APOO: variants seen among roughly 807,000 people sequenced by gnomAD.
APOO encodes the protein apolipoprotein O, also known as MICOS complex subunit MIC26.
APOO carries 11 observed loss-of-function variants against 23.1 expected under a neutral mutation model. The observed-to-expected ratio is 0.48, with a 90% CI of 0.30 to 0.79. The LOEUF (loss-of-function observed/expected upper bound fraction) is 0.79, where lower values mean the gene tolerates loss of function less well. Ranked by LOEUF, APOO falls within the 30% of genes least tolerant of loss-of-function variation. APOO has a pLI of 0.07. For missense variants in APOO, 160 were observed against 142.7 expected, an observed-to-expected ratio of 1.12 and a Z score of -0.62; for synonymous variants, 59 against 54.8, an observed-to-expected ratio of 1.08 and a Z score of -0.34.
chrX:23,846,999 T>C, intron 7 of APOO, among the ~76,000 whole-genome samples: 1 of 110,249 alleles, frequency 9.1e-6, no homozygotes, highest in Non-Finnish European at 1.9e-5. Context: ...CCCTTATAAA[T>C]CAATAAGGGA....
intron 7 of APOO, among the ~76,000 whole-genome samples, chrX:23,841,121 G>T (rs1923950735): frequency 8.9e-6 from 1 of 111,960 alleles, no homozygotes; most frequent in African/African-American, 3.2e-5. Context: ...GGCCATGGGG[G>T]CTAAGATTCT....
rs145820290 is a variant in APOO, at chrX:23,861,451, C to T, written c.389-2718G>A. 5.9e-3 allele frequency among the ~76,000 whole-genome samples: 630 copies of T among 106,870 alleles called. 8 individuals carry two copies. The highest frequency in any genetic ancestry group is 0.021 in the African/African-American group (600 of 29,147). 92.8% of individuals were successfully genotyped at this position (106,870 alleles called of 115,157 possible). On this transcript the variant is annotated intron_variant, in intron 5 of 8. Coordinates refer to ENST00000379226, the MANE Select transcript of APOO (RefSeq NM_024122.5). ...GGTGCCATGCTTCCTGTACAGCCTG[C>T]AGAACTGTGAGCCAACTAAACCTCT...
At chrX:23,892,147 A>G (rs1926683712) in intron 1 of APOO, among the ~76,000 whole-genome samples, 1 of 109,293 alleles carries the variant, frequency 9.1e-6, no homozygotes, top group African/African-American at 3.3e-5. Context: ...GAAGTGGCGC[A>G]ATCTCGGCTC....
intron 4 of APOO, among the ~76,000 whole-genome samples, chrX:23,872,583 G>A (rs942676912): frequency 4.8e-5 from 5 of 103,761 alleles, no homozygotes; most frequent in South Asian, 4.3e-4. Flanking sequence ...ATATATTTAC[G>A]GGGTAAATGA....
At chrX:23,879,168 G>T in intron 2 of APOO, 134 bp from the exon 3 acceptor site, 1 of 795,198 alleles carries the variant, frequency 1.3e-6, no homozygotes, top group Non-Finnish European at 1.7e-6. Context: ...GGGTGTGGTG[G>T]TTCACGCTTG....
intron 3 of APOO, among the ~76,000 whole-genome samples, chrX:23,875,444 G>A (rs1925802999): frequency 1.0e-5 from 1 of 99,717 alleles, no homozygotes; most frequent in Non-Finnish European, 2.0e-5. Flanking sequence ...TTGAGATAGA[G>A]TTTCGCTTTT....
intron 2 of APOO, among the ~76,000 whole-genome samples, chrX:23,879,434 A>C (rs755618926): frequency 8.9e-6 from 1 of 111,932 alleles, no homozygotes; most frequent in Non-Finnish European, 1.9e-5. Flanking sequence ...ACTCCATCTC[A>C]AAAATAATAA....
intron 5 of APOO, among the ~76,000 whole-genome samples, chrX:23,861,768 A>T (rs1353380849): frequency 9.7e-6 from 1 of 103,368 alleles, no homozygotes; most frequent in Non-Finnish European, 2.0e-5. Context: ...CCTGCCCGTC[A>T]GTGGGCCCCA....
chrX:23,833,696 ACCAGG>A (rs1248183643), intron 8 of APOO, 84 bp from the exon 9 acceptor site: 1 of 112,672 alleles, frequency 8.9e-6, no homozygotes, highest in Non-Finnish European at 1.9e-5. Context: ...AAATAGAGAA[ACCAGG>A]CCAGGCGCGG....
At chrX:23,904,231 CCT>C (rs950837756) in intron 1 of APOO, among the ~76,000 whole-genome samples, 6 of 111,193 alleles carry the variant, frequency 5.4e-5, no homozygotes, top group African/African-American at 2.0e-4. Flanking sequence ...ATTCCTCTCC[CCT>C]GTGATTAAGT....
chrX:23,837,245 TA>T (rs775191289), intron 8 of APOO: 54 of 649,595 alleles, frequency 8.3e-5, no homozygotes, highest in Non-Finnish European at 1.1e-4. Context: ...CCCTTCACGA[TA>T]ACTGTGCGTC....
At chrX:23,905,812 A>C (rs1927328475) in intron 1 of APOO, among the ~76,000 whole-genome samples, 1 of 112,689 alleles carries the variant, frequency 8.9e-6, no homozygotes, top group Admixed American at 9.4e-5. Context: ...TAACTACCAT[A>C]GTTCTGAAGT....
At chrX:23,899,046 G>C (rs906987885) in intron 1 of APOO, among the ~76,000 whole-genome samples, 2 of 112,341 alleles carry the variant, frequency 1.8e-5, no homozygotes, top group Non-Finnish European at 3.8e-5. Context: ...CTAAGGCAAT[G>C]AACATGCACT....
chrX:23,852,617 A>G (rs1238798998), intron 7 of APOO, among the ~76,000 whole-genome samples: 3 of 109,583 alleles, frequency 2.7e-5, no homozygotes, highest in Non-Finnish European at 3.8e-5. Context: ...CTGTCTCAAA[A>G]AAAAAAAAAA....
rs566269141 is a variant in APOO, at chrX:23,907,902, G to A, written c.-200C>T. ...GTTCTAGAAGCCGCGTCGCTGAGCC[G>A]CAGCGCGTCGCGCCCGGGCAGCGGG... On this transcript the variant is annotated 5_prime_UTR_variant, in exon 1 of 9. Coordinates refer to ENST00000379226, the MANE Select transcript of APOO (RefSeq NM_024122.5). The A allele has an allele frequency of 6.0e-4, 247 of 412,614 alleles. 3 individuals are homozygous for A. In the South Asian group the frequency reaches 0.013, roughly 22 times the overall value. 34.0% of individuals were successfully genotyped at this position (412,614 alleles called of 1,213,427 possible). A position where few individuals can be genotyped will look rare whatever the true frequency, so the allele number is the denominator to read the frequency against.
At chrX:23,878,797 T>A in intron 3 of APOO, 118 bp downstream of exon 3, 1 of 931,409 alleles carries the variant, frequency 1.1e-6, no homozygotes, top group African/African-American at 2.0e-5. Flanking sequence ...TCCCAGCCTC[T>A]GTCAACCATC....
At chrX:23,871,255 C>T (rs1925607470) in intron 4 of APOO, among the ~76,000 whole-genome samples, 1 of 103,142 alleles carries the variant, frequency 9.7e-6, no homozygotes, top group Non-Finnish European at 2.0e-5. Context: ...CCCAGCTACT[C>T]GGGAGGCTGA....
intron 8 of APOO, among the ~76,000 whole-genome samples, chrX:23,836,400 C>T (rs1299496856): frequency 1.8e-5 from 2 of 111,802 alleles, no homozygotes; most frequent in Middle Eastern, 4.7e-3. Flanking sequence ...CTGCAACCTC[C>T]GCCTTTCGGG....
chrX:23,861,458 G>GC (rs1925024320), intron 5 of APOO, among the ~76,000 whole-genome samples: 1 of 107,223 alleles, frequency 9.3e-6, no homozygotes, highest in Non-Finnish European at 1.9e-5. Context: ...CTGCAGAACT[G>GC]TGAGCCAACT....
Sources: allele counts gnomAD v4.1 joint callset (sites outside exome capture counted in the v4.1 genomes callset), GRCh38; gene constraint gnomAD v4.1.1; transcripts MANE v1.5; gene names NCBI Gene and HGNC (gene_info 2026-07-23, HGNC 2026-07-21).